Variants in DISP1 observed in about 807,000 individuals in gnomAD.
DISP1 encodes dispatched RND transporter family member 1.
A neutral mutation model predicts 37.3 loss-of-function variants in DISP1; 30 were observed. That is an observed-to-expected ratio of 0.80 (90% CI 0.60 to 1.09). DISP1 has a LOEUF of 1.09. DISP1 is among the 50% of genes least tolerant of loss of function. The pLI, the probability that DISP1 is intolerant of heterozygous loss-of-function variation, is 0.00. For missense variants in DISP1, 1,598 were observed against 1,879.5 expected (o/e 0.85, Z 2.77); for synonymous variants, 634 against 690.2 (o/e 0.92, Z 1.28).
chr1:222,964,502 C>A (rs1370907266), intron 3 of DISP1, among the ~76,000 whole-genome samples: 2 of 151,952 alleles, frequency 1.3e-5, no homozygotes, highest in African/African-American at 4.8e-5. Flanking sequence ...AAACAGTTAA[C>A]AAGTGCTTAC....
chr1:222,984,435 T>TATATATATATATATATAG (rs67660273), intron 4 of DISP1, among the ~76,000 whole-genome samples: 3 of 108,370 alleles, frequency 2.8e-5, no homozygotes, highest in East Asian at 2.6e-4. Flanking sequence ...TATATATATA[T>TATATATATATATATATAG]AGAGAGAGAG....
chr1:222,935,452 A>T lies in DISP1; in HGVS notation c.-18+6882A>T, dbSNP rs191498237. Among the ~76,000 whole-genome samples the T allele has an allele frequency of 3.9e-5, 6 of 152,280 alleles. No homozygotes were observed. The South Asian group carries it at 1.2e-3, about 32-fold the overall frequency. ...ATGCTTCCTAGCTTCACCATTTGTC[A>T]TCAGTATGTGACTTTGAGCACCTTA... On this transcript the variant is annotated intron_variant, in intron 2 of 8. Transcript: ENST00000675850.
intron 1 of DISP1, chr1:222,836,798 A>C (rs1034462418): frequency 3.7e-6 from 1 of 270,658 alleles, no homozygotes; most frequent in Admixed American, 5.3e-5. Flanking sequence ...GTTATTTAGC[A>C]TGATTTAGTG....
In DISP1 at chr1:223,005,245, G is replaced by A; in HGVS notation, c.3848G>A (p.Gly1283Asp). ...GATGCCTACAAACACTTGAACTATG[G>A]CCCACACTCTTGCCAGCAGATGGGG... The part of the protein sequence containing the change: ...CPDAYKHLNY[G>D]PHSCQQMGDC... Residue 1283 changes from glycine (G) to aspartate (D), a missense_variant, in exon 9 of 9, where the codon GGC (glycine) becomes GAC (aspartate). Transcript: ENST00000675850. 1 of 1,613,970 alleles carries A rather than the reference G, an allele frequency of 6.2e-7. No homozygotes were observed.
At chr1:222,858,663 G>T (rs1668696086) in intron 1 of DISP1, among the ~76,000 whole-genome samples, 1 of 152,106 alleles carries the variant, frequency 6.6e-6, no homozygotes, top group South Asian at 2.1e-4. Context: ...ATTAAAAAGT[G>T]GGCAAAGGAC....
chr1:222,975,233 C>T (rs1336853800), intron 3 of DISP1, among the ~76,000 whole-genome samples: 1 of 152,074 alleles, frequency 6.6e-6, no homozygotes, highest in Non-Finnish European at 1.5e-5. Flanking sequence ...CTATCACGCC[C>T]AGGCCAGTCT....
intron 1 of DISP1, among the ~76,000 whole-genome samples, chr1:222,906,965 A>G (rs1304741984): frequency 6.6e-6 from 1 of 152,242 alleles, no homozygotes; most frequent in African/African-American, 2.4e-5. Flanking sequence ...AAGGTTAATC[A>G]TGGAAGATTT....
intron 1 of DISP1, among the ~76,000 whole-genome samples, chr1:222,847,190 C>T (rs763052779): frequency 2.0e-5 from 3 of 152,148 alleles, no homozygotes; most frequent in Non-Finnish European, 2.9e-5. Flanking sequence ...AAATGACATA[C>T]GTTAAGCTAA....
intron 1 of DISP1, among the ~76,000 whole-genome samples, chr1:222,849,943 T>G (rs2125306776): frequency 6.6e-6 from 1 of 152,230 alleles, no homozygotes; most frequent in South Asian, 2.1e-4. Flanking sequence ...TTTTAGAGTG[T>G]TAGAAAGACA....
At chr1:222,892,402 C>T (rs995296361) in intron 1 of DISP1, among the ~76,000 whole-genome samples, 3 of 152,054 alleles carry the variant, frequency 2.0e-5, no homozygotes, top group African/African-American at 4.8e-5. Context: ...TTGCAAATAA[C>T]GTAAGTATGA....
chr1:222,848,771 G>A (rs1668060733), intron 1 of DISP1, among the ~76,000 whole-genome samples: 1 of 151,966 alleles, frequency 6.6e-6, no homozygotes, highest in Non-Finnish European at 1.5e-5. Flanking sequence ...TAACATGCAG[G>A]GGCTAATATA....
chr1:222,854,054 T>A (rs1480422024), intron 1 of DISP1, among the ~76,000 whole-genome samples: 1 of 152,188 alleles, frequency 6.6e-6, no homozygotes, highest in Non-Finnish European at 1.5e-5. Flanking sequence ...TTTTGTGCCT[T>A]GAAACATATA....
chr1:223,005,687 G>C lies in DISP1; in HGVS notation c.4290G>C (p.Gly1430=), dbSNP rs1165297378. 3 of 1,613,970 alleles carry C rather than the reference G, an allele frequency of 1.9e-6. No individual in the cohort carries two copies. Among genetic ancestry groups the C allele is most frequent in the African/African-American group, 2.7e-5 (2 of 74,896 alleles). Reference sequence around the variant, plus strand: ...TGAGCAATCTGGAGAGCAGTGGAGGGACTGAAAACAAGGCAGGAGGGAAAG... The same window carrying C: ...TGAGCAATCTGGAGAGCAGTGGAGGCACTGAAAACAAGGCAGGAGGGAAAG... The part of the protein sequence containing the change: ...RDVSNLESSG[G]TENKAGGKVE... Residue 1430 remains glycine, a synonymous_variant, in exon 9 of 9, where the codon GGG becomes GGC. Transcript: ENST00000675850.
intron 2 of DISP1, among the ~76,000 whole-genome samples, chr1:222,941,915 CTTT>C: frequency 7.2e-6 from 1 of 139,606 alleles, no homozygotes; most frequent in Non-Finnish European, 1.6e-5. Flanking sequence ...TTTGATGACC[CTTT>C]TTTTTTTTTT....
chr1:222,937,158 C>T (rs946249615), intron 2 of DISP1, among the ~76,000 whole-genome samples: 5 of 148,146 alleles, frequency 3.4e-5, no homozygotes, highest in Non-Finnish European at 7.4e-5. Context: ...GGCGTGATCT[C>T]GGCTCACTGC....
intron 1 of DISP1, among the ~76,000 whole-genome samples, chr1:222,922,527 C>G (rs941062023): frequency 6.6e-6 from 1 of 152,092 alleles, no homozygotes; most frequent in Non-Finnish European, 1.5e-5. Flanking sequence ...CAGCACAGAT[C>G]TGGTGTTCAA....
intron 3 of DISP1, among the ~76,000 whole-genome samples, chr1:222,971,058 G>C (rs1676909738): frequency 6.6e-6 from 1 of 151,878 alleles, no homozygotes; most frequent in African/African-American, 2.4e-5. Context: ...TCTAATCTCA[G>C]ATTTTGAGAA....
intron 3 of DISP1, among the ~76,000 whole-genome samples, chr1:222,950,443 A>G (rs1241866735): frequency 2.0e-5 from 3 of 152,116 alleles, no homozygotes; most frequent in Non-Finnish European, 4.4e-5. Context: ...TACTAAAAAT[A>G]CAAAAAATTA....
chr1:222,934,575 A>G (rs985386673), intron 2 of DISP1, among the ~76,000 whole-genome samples: 1 of 152,116 alleles, frequency 6.6e-6, no homozygotes, highest in Non-Finnish European at 1.5e-5. Context: ...GCAGGAAGCA[A>G]CTGTGGAGGA....
Sources: gnomAD v4.1 joint callset for allele counts (sites outside exome capture counted in the v4.1 genomes callset) on GRCh38, gnomAD v4.1.1 for gene constraint, MANE v1.5 for transcripts, NCBI Gene and HGNC (gene_info 2026-07-23, HGNC 2026-07-21) for gene names.